THSD7A: variants seen among roughly 807,000 people sequenced by gnomAD.
THSD7A encodes thrombospondin type 1 domain containing 7A, also known as thrombospondin type-1 domain-containing protein 7A.
A neutral mutation model predicts 231.3 loss-of-function variants in THSD7A; 96 were observed. The observed-to-expected ratio is 0.41, with a 90% confidence interval of 0.35 to 0.49. THSD7A has a LOEUF of 0.49. Among genes scored for constraint, THSD7A ranks in the 20% least tolerant of loss-of-function variants. THSD7A has a pLI of 0.05. For synonymous variants in THSD7A, 940 were observed against 743.3 expected, an observed-to-expected ratio of 1.26 and a Z score of -4.30; for missense variants, 2,290 against 2,070.2, an observed-to-expected ratio of 1.11 and a Z score of -2.06.
chr7:11,777,554 A>G (rs1783454128), intron 1 of THSD7A, among the ~76,000 whole-genome samples: 1 of 151,972 alleles, frequency 6.6e-6, no homozygotes, highest in Non-Finnish European at 1.5e-5. Flanking sequence ...TGGACATATC[A>G]TCTCCCTTAC....
chr7:11,532,609 A>G (rs529050974), intron 6 of THSD7A, among the ~76,000 whole-genome samples: 4 of 152,220 alleles, frequency 2.6e-5, no homozygotes, highest in Non-Finnish European at 5.9e-5. Flanking sequence ...AATTAGTTCC[A>G]TAATGTACAT....
At chr7:11,538,689 A>C (rs1789017088) in intron 6 of THSD7A, among the ~76,000 whole-genome samples, 1 of 152,160 alleles carries the variant, frequency 6.6e-6, no homozygotes, top group Non-Finnish European at 1.5e-5. Flanking sequence ...TGAAATGTTT[A>C]TCTCTTTTTG....
In THSD7A at chr7:11,566,965, T is replaced by TAGCGGGAGG; in HGVS notation, c.1453+23494_1453+23495insCCTCCCGCT. ...CAAAGTGGATCCAGCTGTGGGAGAG[T>TAGCGGGAGG]GGGGGGGGGACTGACCAACAAAGTT... On this transcript the variant is annotated intron_variant, in intron 4 of 27. Coordinates refer to ENST00000423059, the MANE Select transcript of THSD7A (RefSeq NM_015204.3). Among the ~76,000 whole-genome samples the TAGCGGGAGG allele has an allele frequency of 2.2e-5, 2 of 92,388 alleles. 1 individual carries two copies. The highest frequency in any genetic ancestry group is 1.1e-4 in the African/African-American group (2 of 18,074). The allele number at this position is 92,388 out of a possible 152,430, so 60.6% of individuals were successfully genotyped here. A position where few individuals can be genotyped will look rare whatever the true frequency, so the allele number is the denominator to read the frequency against.
At chr7:11,549,988 G>A (rs999813172) in intron 4 of THSD7A, among the ~76,000 whole-genome samples, 7 of 152,032 alleles carry the variant, frequency 4.6e-5, no homozygotes, top group Admixed American at 3.3e-4. Context: ...TCTAGCCAGT[G>A]AAATCAGGCA....
intron 4 of THSD7A, among the ~76,000 whole-genome samples, chr7:11,589,748 T>A (rs1443637428): frequency 1.3e-5 from 2 of 152,230 alleles, no homozygotes. Flanking sequence ...TATTTGTGTG[T>A]GAACTTAAGA....
chr7:11,734,184 T>C (rs1781830522), intron 1 of THSD7A, among the ~76,000 whole-genome samples: 1 of 151,964 alleles, frequency 6.6e-6, no homozygotes, highest in South Asian at 2.1e-4. Flanking sequence ...GTTATTTCTG[T>C]AGTTAAAACA....
chr7:11,818,833 G>A (rs1367159138), intron 1 of THSD7A, among the ~76,000 whole-genome samples: 1 of 151,876 alleles, frequency 6.6e-6, no homozygotes, highest in East Asian at 1.9e-4. Context: ...GGAACAAAGT[G>A]TAGGACCATC....
intron 1 of THSD7A, among the ~76,000 whole-genome samples, chr7:11,805,242 G>T (rs575192054): frequency 2.0e-5 from 3 of 152,124 alleles, no homozygotes; most frequent in Non-Finnish European, 4.4e-5. Flanking sequence ...TTCCAAAGGA[G>T]AGTTGAAGGA....
intron 6 of THSD7A, among the ~76,000 whole-genome samples, chr7:11,520,615 A>G (rs529442061): frequency 2.0e-5 from 3 of 152,326 alleles, no homozygotes; most frequent in East Asian, 3.9e-4. Flanking sequence ...TTTACTTATG[A>G]GTACATAATA....
At chr7:11,545,382 A>G (rs7455869) in intron 4 of THSD7A, among the ~76,000 whole-genome samples, 17,463 of 152,126 alleles carry the variant, frequency 0.11, 2,029 homozygotes, top group African/African-American at 0.3. Flanking sequence ...TTATATATAA[A>G]GTTGAAAACT....
At chr7:11,720,375 C>G (rs888442131) in intron 1 of THSD7A, among the ~76,000 whole-genome samples, 13 of 151,764 alleles carry the variant, frequency 8.6e-5, no homozygotes, top group Admixed American at 3.3e-4. Flanking sequence ...TGGGAATGAA[C>G]TTGCCCCCAG....
chr7:11,375,888 A>C lies in THSD7A; in HGVS notation c.4890-10T>G, dbSNP rs760261421. On this transcript the variant is annotated splice_polypyrimidine_tract_variant and intron_variant, in intron 27 of 27. Coordinates refer to ENST00000423059, the MANE Select transcript of THSD7A (RefSeq NM_015204.3). ...TTTCTTTGGCTTTTTGCTGTAAAAA[A>C]ATTCGGAATTAGGAGAAAGAAAATC... 2.5e-5 allele frequency: 40 copies of C among 1,611,974 alleles called. 1 individual carries two copies. The South Asian group carries it at 4.2e-4, about 17-fold the overall frequency.
chr7:11,794,110 A>T (rs1214319639), intron 1 of THSD7A, among the ~76,000 whole-genome samples: 6 of 151,982 alleles, frequency 3.9e-5, no homozygotes, highest in Non-Finnish European at 7.4e-5. Context: ...TTACTTAATT[A>T]TATTCTAACA....
chr7:11,714,353 G>A (rs1781063448), intron 1 of THSD7A, among the ~76,000 whole-genome samples: 1 of 151,100 alleles, frequency 6.6e-6, no homozygotes, highest in Non-Finnish European at 1.5e-5. Context: ...TTTAAAGTGT[G>A]TGCTCTGTGC....
chr7:11,533,665 TCA>T (rs1455967590), intron 6 of THSD7A, among the ~76,000 whole-genome samples: 1 of 152,112 alleles, frequency 6.6e-6, no homozygotes, highest in Non-Finnish European at 1.5e-5. Context: ...CCACAAGTTC[TCA>T]CTCATAAGTG....
chr7:11,596,550 C>A (rs1279992982), intron 2 of THSD7A, among the ~76,000 whole-genome samples: 1 of 152,044 alleles, frequency 6.6e-6, no homozygotes, highest in Non-Finnish European at 1.5e-5. Context: ...TGGGAAAGGC[C>A]AAACGGAAGC....
At chr7:11,721,509 A>G (rs553359994) in intron 1 of THSD7A, among the ~76,000 whole-genome samples, 13 of 151,170 alleles carry the variant, frequency 8.6e-5, no homozygotes, top group Non-Finnish European at 1.9e-4. Context: ...TTTCCTATAC[A>G]GCCTACGGAA....
intron 2 of THSD7A, among the ~76,000 whole-genome samples, chr7:11,617,238 T>G (rs990735680): frequency 3.9e-5 from 6 of 152,208 alleles, no homozygotes; most frequent in African/African-American, 1.4e-4. Flanking sequence ...AAAAGTACAA[T>G]ACATGCATAA....
rs751316378 is a variant in THSD7A at position 11,636,636 on chromosome 7, G to A, written c.516C>T (p.Ile172=). The change falls in exon 2 of 28, where the codon ATC becomes ATT. Residue 172 remains isoleucine, a synonymous_variant. Coordinates refer to ENST00000423059, the MANE Select transcript of THSD7A (RefSeq NM_015204.3). This position sits in a 1 kb window ranked among gnomAD's most constrained non-coding sequence, Gnocchi z 10.0. ...GCTTGGGCTCAAAGTACTCACAGAT[G>A]ATATCCTCCGCAGGAATGTCTTTGT... ...QKDKDIPAED[I]ICEYFEPKPL... is the part of the protein sequence containing the mutation. 2.5e-6 allele frequency: 4 copies of A among 1,613,996 alleles called. No homozygotes were observed. Among genetic ancestry groups the A allele is most frequent in the South Asian group, 1.1e-5 (1 of 91,078 alleles).
Sources: gnomAD v4.1 joint callset for allele counts (sites outside exome capture counted in the v4.1 genomes callset) on GRCh38, gnomAD v4.1.1 for gene constraint, Gnocchi (gnomAD v3.1) non-coding constraint, MANE v1.5 for transcripts, NCBI Gene and HGNC (gene_info 2026-07-23, HGNC 2026-07-21) for gene names.